Variants in LUC7L3 observed in about 807,000 individuals in gnomAD.
LUC7L3 encodes the protein LUC7 like 3 pre-mRNA splicing factor.
A neutral mutation model predicts 66.8 loss-of-function variants in LUC7L3; 6 were observed. That is an observed-to-expected ratio of 0.09 (90% CI 0.05 to 0.18). The LOEUF (loss-of-function observed/expected upper bound fraction) is 0.18, where lower values mean the gene tolerates loss of function less well. LUC7L3 is among the 10% of genes least tolerant of loss of function. The pLI, the probability that LUC7L3 is intolerant of heterozygous loss-of-function variation, is 1.00. For missense variants in LUC7L3, 341 were observed against 531.1 expected, an observed-to-expected ratio of 0.64 and a Z score of 3.52; for synonymous variants, 160 against 174.7, an observed-to-expected ratio of 0.92 and a Z score of 0.66.
intron 1 of LUC7L3, among the ~76,000 whole-genome samples, chr17:50,726,968 A>G (rs1217480418): frequency 6.6e-6 from 1 of 152,092 alleles, no homozygotes; most frequent in Non-Finnish European, 1.5e-5. Flanking sequence ...CGGTGCTTGT[A>G]ATCCCAGCTA....
intron 1 of LUC7L3, among the ~76,000 whole-genome samples, chr17:50,735,686 T>C (rs533025179): frequency 1.3e-5 from 2 of 152,116 alleles, no homozygotes; most frequent in South Asian, 4.1e-4. Context: ...TTTATAGACA[T>C]GGGGTTTTGC....
At chr17:50,738,935 C>T (rs1970169311) in intron 2 of LUC7L3, among the ~76,000 whole-genome samples, 1 of 151,960 alleles carries the variant, frequency 6.6e-6, no homozygotes, top group African/African-American at 2.4e-5. Context: ...AATTATGAAT[C>T]AGAATGGCCT....
At position 50,754,627 on chromosome 17, in the gene LUC7L3, T is replaced by C. The variant is rs1035702936; in HGVS notation, c.*3966T>C. On this transcript the variant is annotated 3_prime_UTR_variant, in exon 10 of 10. Transcript: ENST00000505658. ...TGGAATGTAGAGATAATACATATCATGCTCCTTTTTGTTAAAACGTTTTTT... is the reference window on the plus strand; with the variant it reads ...TGGAATGTAGAGATAATACATATCACGCTCCTTTTTGTTAAAACGTTTTTT... 1 of 152,214 alleles carries C rather than the reference T, an allele frequency of 6.6e-6. No individual in the cohort carries two copies. The highest frequency in any genetic ancestry group is 2.4e-5 in the African/African-American group (1 of 41,458). The allele number at this position is 152,214 out of a possible 1,614,324, so 9.4% of individuals were successfully genotyped here.
intron 9 of LUC7L3, 73 bp downstream of exon 9, chr17:50,746,775 A>C (rs946908463): frequency 2.1e-5 from 28 of 1,357,224 alleles, no homozygotes; most frequent in African/African-American, 4.4e-5. Flanking sequence ...TTTTCTCCAG[A>C]CACAGGCAAA....
chr17:50,745,659 A>G (rs1970627270), intron 7 of LUC7L3, 61 bp from the exon 8 acceptor site: 15 of 1,346,594 alleles, frequency 1.1e-5, no homozygotes, highest in South Asian at 4.2e-5. Context: ...ACATTAGTTG[A>G]CCATTGTTTA....
chr17:50,750,571 A>G lies in LUC7L3; in HGVS notation c.1209A>G (p.Thr403=). ...GTCGAGAAAAGCAGAGTGAAGACAC[A>G]AACACTGAATCGAAGGAAAGTGATA... ...SGSREKQSED[T]NTESKESDTK... The change falls in exon 10 of 10, where the codon ACA becomes ACG. Residue 403 remains threonine, a synonymous_variant. Transcript: ENST00000505658. The G allele has an allele frequency of 1.2e-6, 2 of 1,614,166 alleles. No homozygotes were observed. Among genetic ancestry groups the G allele is most frequent in the Non-Finnish European group, 1.7e-6 (2 of 1,180,002 alleles).
intron 1 of LUC7L3, among the ~76,000 whole-genome samples, chr17:50,729,304 T>G (rs1201294530): frequency 1.3e-5 from 2 of 152,230 alleles, no homozygotes; most frequent in African/African-American, 2.4e-5. Flanking sequence ...AAGCACCTCC[T>G]ACCTCCATTC....
intron 1 of LUC7L3, among the ~76,000 whole-genome samples, chr17:50,735,791 C>G (rs750275248): frequency 4.6e-5 from 7 of 152,158 alleles, no homozygotes; most frequent in Non-Finnish European, 1.0e-4. Flanking sequence ...AGCCACCATG[C>G]CTGACCAACG....
intron 1 of LUC7L3, among the ~76,000 whole-genome samples, chr17:50,731,873 G>A (rs968198946): frequency 1.6e-4 from 24 of 152,150 alleles, no homozygotes; most frequent in Non-Finnish European, 2.8e-4. Flanking sequence ...AAATAATAAT[G>A]TGCAGCGGAC....
In LUC7L3 at chr17:50,756,112, G is replaced by A. The variant is rs1033217408; in HGVS notation, c.*5451G>A. 1 of 152,068 alleles carries A rather than the reference G, an allele frequency of 6.6e-6. No individual in the cohort carries two copies. Among genetic ancestry groups the A allele is most frequent in the Non-Finnish European group, 1.5e-5 (1 of 68,016 alleles). The allele number at this position is 152,068 out of a possible 1,614,324, so 9.4% of individuals were successfully genotyped here. On this transcript the variant is annotated 3_prime_UTR_variant, in exon 10 of 10. Coordinates refer to ENST00000505658, the MANE Select transcript of LUC7L3 (RefSeq NM_016424.5). ...AGGGGTCTTCAGAAGAACTGGTGAG[G>A]GTCTGTTTCTGAAGCCTGTGGGCAT...
intron 1 of LUC7L3, chr17:50,722,323 C>G (rs1451912018): frequency 6.6e-6 from 1 of 151,408 alleles, no homozygotes; most frequent in Non-Finnish European, 1.5e-5. Context: ...TCAGCCTCCC[C>G]AGTAGCTGGA....
chr17:50,735,843 C>A (rs1969950158), intron 1 of LUC7L3, among the ~76,000 whole-genome samples: 1 of 152,126 alleles, frequency 6.6e-6, no homozygotes, highest in South Asian at 2.1e-4. Flanking sequence ...CATTAATAAT[C>A]TCCCCAGAGC....
At chr17:50,719,858 C>G in intron 1 of LUC7L3, 27 bp downstream of exon 1, 1 of 1,582,766 alleles carries the variant, frequency 6.3e-7, no homozygotes, top group Non-Finnish European at 8.6e-7. Flanking sequence ...TTGGCCTGAG[C>G]CCGGGCTCCG....
At position 50,751,597 on chromosome 17, in the gene LUC7L3, T is replaced by C. The variant is rs190036537; in HGVS notation, c.*936T>C. The stretch of plus-strand genomic sequence containing the variant: ...TTAGATATCTTTAAAGAATTTTAAA[T>C]ACAATAAACACTTCATATTATTCGC... On this transcript the variant is annotated 3_prime_UTR_variant, in exon 10 of 10. Coordinates refer to ENST00000505658, the MANE Select transcript of LUC7L3 (RefSeq NM_016424.5). The C allele has an allele frequency of 2.2e-4, 255 of 1,151,810 alleles. 1 individual carries two copies. In the African/African-American group the frequency reaches 3.6e-3, roughly 16 times the overall value. 71.3% of individuals were successfully genotyped at this position (1,151,810 alleles called of 1,614,324 possible).
intron 1 of LUC7L3, among the ~76,000 whole-genome samples, chr17:50,735,340 AT>A (rs761835885): frequency 6.6e-6 from 1 of 152,012 alleles, no homozygotes; most frequent in Non-Finnish European, 1.5e-5. Flanking sequence ...ATGGAACCAC[AT>A]TGCTTCAAAT....
Position 50,719,619 on chromosome 17 carries a change from T to G in LUC7L3, c.-114T>G, listed in dbSNP as rs1475872161. Reference sequence around the variant, plus strand: ...GGCCATTTTGTCTTGTCGGCTCCTGTGTGTAGGAGGGATTTCGGCCTGAGA... The same window carrying G: ...GGCCATTTTGTCTTGTCGGCTCCTGGGTGTAGGAGGGATTTCGGCCTGAGA... On this transcript the variant is annotated 5_prime_UTR_variant, in exon 1 of 10. Coordinates refer to ENST00000505658, the MANE Select transcript of LUC7L3 (RefSeq NM_016424.5). The G allele has an allele frequency of 6.4e-6, 5 of 780,092 alleles. No individual in the cohort carries two copies. Among genetic ancestry groups the G allele is most frequent in the Non-Finnish European group, 1.0e-5 (5 of 485,530 alleles). 48.3% of individuals were successfully genotyped at this position (780,092 alleles called of 1,614,324 possible).
At chr17:50,749,460 C>CTAAATAT in intron 9 of LUC7L3, 1 of 886,988 alleles carries the variant, frequency 1.1e-6, no homozygotes, top group Non-Finnish European at 1.5e-6. Flanking sequence ...GTGTTACGGA[C>CTAAATAT]TAAATATGCT....
rs142330477 is a variant in LUC7L3 at position 50,743,084 on chromosome 17, G to A, written c.427-622G>A. On this transcript the variant is annotated intron_variant, in intron 5 of 9. Transcript: ENST00000505658. ...GGGGATTGTGTTTAGGATTCAGGCT[G>A]GAGGAGGTACTGAAAAGAGTAGGTG... Among the ~76,000 whole-genome samples, 585 of 152,280 alleles carry A rather than the reference G, an allele frequency of 3.8e-3. 1 individual carries two copies. Among genetic ancestry groups the A allele is most frequent in the Non-Finnish European group, 5.3e-3 (361 of 68,004 alleles).
intron 9 of LUC7L3, among the ~76,000 whole-genome samples, chr17:50,747,024 GCTC>G (rs1272940662): frequency 2.6e-5 from 4 of 151,634 alleles, no homozygotes; most frequent in Non-Finnish European, 5.9e-5. Context: ...TTGGTTATTG[GCTC>G]CTTTTTTTTT....
Sources: allele counts gnomAD v4.1 joint callset (sites outside exome capture counted in the v4.1 genomes callset), GRCh38; gene constraint gnomAD v4.1.1; transcripts MANE v1.5; gene names NCBI Gene and HGNC (gene_info 2026-07-23, HGNC 2026-07-21).